Variants in TLL1 observed in about 807,000 individuals in gnomAD.
The protein encoded by TLL1 is tolloid-like protein 1.
In TLL1, 49 loss-of-function variants were observed where a neutral mutation model predicts 128.2. That is an observed-to-expected ratio of 0.38 (90% CI 0.30 to 0.48). The LOEUF is 0.48. Ranked by LOEUF, TLL1 falls within the 20% of genes least tolerant of loss-of-function variation. The pLI is 0.96. For synonymous variants in TLL1, 454 were observed against 418.8 expected (o/e 1.08, Z -1.03); for missense variants, 1,123 against 1,242.0 (o/e 0.90, Z 1.44).
chr4:166,066,572 G>A (rs917355448), intron 16 of TLL1, among the ~76,000 whole-genome samples: 6 of 151,752 alleles, frequency 4.0e-5, no homozygotes, highest in Admixed American at 4.0e-4. Context: ...GCAATTTAGA[G>A]CAACTGAATT....
intron 1 of TLL1, among the ~76,000 whole-genome samples, chr4:165,977,337 G>C (rs1011297568): frequency 2.6e-5 from 4 of 152,048 alleles, no homozygotes; most frequent in Admixed American, 6.5e-5. Flanking sequence ...ATGTTTGACT[G>C]TTCCTCCTGC....
At chr4:165,932,822 A>T (rs1733591441) in intron 1 of TLL1, among the ~76,000 whole-genome samples, 1 of 152,130 alleles carries the variant, frequency 6.6e-6, no homozygotes, top group Non-Finnish European at 1.5e-5. Context: ...CCTCCGAGAC[A>T]ATAAACTTGC....
chr4:165,954,743 C>A (rs1363569374), intron 1 of TLL1, among the ~76,000 whole-genome samples: 1 of 152,038 alleles, frequency 6.6e-6, no homozygotes, highest in Non-Finnish European at 1.5e-5. Context: ...ATTGACTGCA[C>A]TCAATATAAA....
intron 1 of TLL1, among the ~76,000 whole-genome samples, chr4:165,900,640 C>A (rs28830841): frequency 6.6e-6 from 1 of 151,696 alleles, no homozygotes; most frequent in Admixed American, 6.6e-5. Context: ...GCGGATAACC[C>A]GATCTTTCTC....
chr4:165,981,403 A>G (rs1358840436), intron 1 of TLL1, among the ~76,000 whole-genome samples: 1 of 152,118 alleles, frequency 6.6e-6, no homozygotes, highest in East Asian at 1.9e-4. Flanking sequence ...TTAAAGTTCT[A>G]TCTTGAGTCC....
intron 8 of TLL1, among the ~76,000 whole-genome samples, chr4:166,015,438 G>T (rs1261199305): frequency 1.3e-5 from 2 of 151,944 alleles, no homozygotes; most frequent in Non-Finnish European, 2.9e-5. Context: ...TCAGAGAAAT[G>T]ATGGATATCT....
rs1254734640 is a variant in TLL1, at chr4:166,003,473, G to T, written c.715G>T (p.Val239Phe). The change falls in exon 6 of 21, where the codon GTT becomes TTT. Residue 239 changes from valine (V) to phenylalanine (F), a missense_variant. By Grantham distance (50) the Val-to-Phe change is conservative. Around this residue, in one of 3 missense-constraint regions of TLL1, gnomAD observed 480 missense variants for 542.4 expected, o/e 0.89. Transcript: ENST00000061240. ...GKNCDKFGIV[V>F]HELGHVIGFW... is the part of the protein sequence containing the mutation. ...GAACTGTGATAAATTTGGGATTGTTGTTCATGAATTGGGTCATGTGATAGG... is the reference window on the plus strand; with the variant it reads ...GAACTGTGATAAATTTGGGATTGTTTTTCATGAATTGGGTCATGTGATAGG... 19 of 1,613,902 alleles carry T rather than the reference G, an allele frequency of 1.2e-5. No homozygotes were observed. The highest frequency in any genetic ancestry group is 1.5e-5 in the Non-Finnish European group (18 of 1,179,980).
chr4:166,043,278 C>A lies in TLL1; in HGVS notation c.1383C>A (p.Ile461=), dbSNP rs746930324. The A allele has an allele frequency of 4.3e-6, 7 of 1,614,072 alleles. No homozygotes were observed. In the South Asian group the frequency reaches 7.7e-5, roughly 18 times the overall value. ...GKGFAAVYEA[I]CGGEIRKNEG... ...TTATTTTTTGGCTTTCTTCAGCGAT[C>A]TGTGGAGGTGAGATACGTAAAAATG... The change falls in exon 12 of 21, where the codon ATC becomes ATA. Residue 461 remains isoleucine, a synonymous_variant. Transcript: ENST00000061240.
At chr4:166,058,459 A>G (rs1317498900) in intron 14 of TLL1, among the ~76,000 whole-genome samples, 1 of 152,200 alleles carries the variant, frequency 6.6e-6, no homozygotes, top group East Asian at 1.9e-4. Flanking sequence ...TTTTTTTAAA[A>G]AGACTTTTTG....
intron 18 of TLL1, among the ~76,000 whole-genome samples, chr4:166,082,578 C>CA (rs1170754424): frequency 6.6e-6 from 1 of 152,070 alleles, no homozygotes; most frequent in Non-Finnish European, 1.5e-5. Context: ...TGTACTTTGA[C>CA]ATTTATAATA....
chr4:165,892,504 C>T lies in TLL1; in HGVS notation c.169+18431C>T, dbSNP rs542333723. On this transcript the variant is annotated intron_variant, in intron 1 of 20. Transcript: ENST00000061240. ...ATGAATAGAGATGCCCTACAAGGTG[C>T]CATTCACTAATTAATTGTGGCTTCC... 2.0e-5 allele frequency among the ~76,000 whole-genome samples: 3 copies of T among 152,232 alleles called. No homozygotes were observed. The South Asian group carries it at 6.2e-4, about 32-fold the overall frequency.
At chr4:165,894,842 AGTGTGTGT>A (rs34248657) in intron 1 of TLL1, among the ~76,000 whole-genome samples, 203 of 142,116 alleles carry the variant, frequency 1.4e-3, no homozygotes, top group African/African-American at 4.2e-3. Context: ...TCAAATGATG[AGTGTGTGT>A]GTGTGTGTGT....
chr4:166,090,173 A>C (rs1032579524), intron 18 of TLL1, among the ~76,000 whole-genome samples: 1 of 141,262 alleles, frequency 7.1e-6, no homozygotes. Flanking sequence ...TTTCATGTTT[A>C]TTTGCTTTAT....
rs1301313481 is a variant in TLL1, at chr4:165,974,393, G to GTA, written c.170-14988_170-14987insTA. Among the ~76,000 whole-genome samples, 4 of 130,746 alleles carry GTA rather than the reference G, an allele frequency of 3.1e-5. 1 individual carries two copies. The highest frequency in any genetic ancestry group is 1.8e-4 in the African/African-American group (4 of 21,830). 85.8% of individuals were successfully genotyped at this position (130,746 alleles called of 152,430 possible). A position where few individuals can be genotyped will look rare whatever the true frequency, so the allele number is the denominator to read the frequency against. ...CTGACCTCGTGATCCGCCCGCCTCGGCCTCCCAAAGTGCTGGGATTACAGG... is the reference window on the plus strand; with the variant it reads ...CTGACCTCGTGATCCGCCCGCCTCGGTACCTCCCAAAGTGCTGGGATTACAGG... On this transcript the variant is annotated intron_variant, in intron 1 of 20. Transcript: ENST00000061240.
intron 6 of TLL1, among the ~76,000 whole-genome samples, chr4:166,003,880 TC>T (rs200146542): frequency 0.038 from 5,824 of 152,132 alleles, 131 homozygotes; most frequent in East Asian, 0.058. Flanking sequence ...ATTAAATATT[TC>T]TTTTTTACTG....
At chr4:166,083,847 A>G (rs960771737) in intron 18 of TLL1, among the ~76,000 whole-genome samples, 3 of 152,212 alleles carry the variant, frequency 2.0e-5, no homozygotes, top group Non-Finnish European at 2.9e-5. Flanking sequence ...TGCAGTGAAC[A>G]TGGGAGCAAC....
chr4:166,081,693 T>C (rs1741288361), intron 18 of TLL1, among the ~76,000 whole-genome samples: 1 of 152,146 alleles, frequency 6.6e-6, no homozygotes, highest in South Asian at 2.1e-4. Flanking sequence ...TCAGTAGACT[T>C]CAGACTACTG....
At chr4:166,076,748 C>T (rs76629008) in intron 17 of TLL1, among the ~76,000 whole-genome samples, 2 of 152,138 alleles carry the variant, frequency 1.3e-5, no homozygotes, top group African/African-American at 2.4e-5. Flanking sequence ...TGGATCCAAA[C>T]TTTTAAGGCT....
intron 1 of TLL1, among the ~76,000 whole-genome samples, chr4:165,971,451 T>C (rs2110978308): frequency 6.6e-6 from 1 of 152,340 alleles, no homozygotes; most frequent in African/African-American, 2.4e-5. Flanking sequence ...CTGATGATCA[T>C]GTTAAAGGAT....
Sources: gnomAD v4.1 joint callset for allele counts (sites outside exome capture counted in the v4.1 genomes callset) on GRCh38, gnomAD v4.1.1 for gene constraint, gnomAD v4.1.1 regional missense constraint, MANE v1.5 for transcripts, NCBI Gene and HGNC (gene_info 2026-07-23, HGNC 2026-07-21) for gene names.